Variants in FBXL17 observed in about 807,000 individuals in gnomAD.
The protein encoded by FBXL17 is F-box and leucine rich repeat protein 17.
A neutral mutation model predicts 66.2 loss-of-function variants in FBXL17; 22 were observed. The observed-to-expected ratio is 0.33, with a 90% CI of 0.24 to 0.47. The LOEUF is 0.47. FBXL17 is among the 20% of genes least tolerant of loss of function. The pLI is 1.00. For synonymous variants in FBXL17, 474 were observed against 400.5 expected, an observed-to-expected ratio of 1.18 and a Z score of -2.19; for missense variants, 878 against 948.2, an observed-to-expected ratio of 0.93 and a Z score of 0.97.
chr5:108,071,845 C>G (rs1748346616), intron 6 of FBXL17, among the ~76,000 whole-genome samples: 1 of 152,036 alleles, frequency 6.6e-6, no homozygotes, highest in Non-Finnish European at 1.5e-5. Context: ...TAGAGTACAA[C>G]TCCAACAAAA....
chr5:108,259,136 A>G (rs761448194), intron 4 of FBXL17, among the ~76,000 whole-genome samples: 3 of 152,200 alleles, frequency 2.0e-5, no homozygotes, highest in Non-Finnish European at 2.9e-5. Flanking sequence ...AAGAAAAGAC[A>G]GCACAAACAA....
At chr5:108,116,685 A>T (rs1352056859) in intron 6 of FBXL17, among the ~76,000 whole-genome samples, 1 of 151,722 alleles carries the variant, frequency 6.6e-6, no homozygotes, top group Admixed American at 6.6e-5. Flanking sequence ...TAATAAAACA[A>T]GTTAATAAGA....
At position 108,269,288 on chromosome 5, in the gene FBXL17, A is replaced by G. The variant is rs148954544; in HGVS notation, c.1507-45060T>C. Among the ~76,000 whole-genome samples the G allele has an allele frequency of 2.0e-3, 307 of 152,176 alleles. 1 individual carries two copies. The highest frequency in any genetic ancestry group is 7.3e-3 in the African/African-American group (302 of 41,566). On this transcript the variant is annotated intron_variant, in intron 4 of 8. Transcript: ENST00000542267. ...ATCAATATGCCACTCAAAGTGGCGT[A>G]TTTTGAGGTGGCATGCTCTTAAGTT...
chr5:108,135,685 G>C (rs1202847858), intron 6 of FBXL17, among the ~76,000 whole-genome samples: 2 of 152,100 alleles, frequency 1.3e-5, no homozygotes, highest in Non-Finnish European at 2.9e-5. Flanking sequence ...TGTTCTAAAA[G>C]GTGACATGTG....
intron 7 of FBXL17, among the ~76,000 whole-genome samples, chr5:107,999,257 A>T (rs1158171990): frequency 6.6e-6 from 1 of 152,098 alleles, no homozygotes; most frequent in Non-Finnish European, 1.5e-5. Context: ...TAGCACAGGG[A>T]TAGGCATATA....
chr5:107,865,460 C>T (rs1270240472), intron 8 of FBXL17, among the ~76,000 whole-genome samples: 1 of 151,882 alleles, frequency 6.6e-6, no homozygotes, highest in Non-Finnish European at 1.5e-5. Context: ...CTTTGATTTC[C>T]CAAAATGCAA....
At chr5:108,375,233 T>TG (rs1749337850) in intron 1 of FBXL17, among the ~76,000 whole-genome samples, 1 of 152,088 alleles carries the variant, frequency 6.6e-6, no homozygotes, top group South Asian at 2.1e-4. Flanking sequence ...CCAGCATGCC[T>TG]GTGCACCCAG....
intron 6 of FBXL17, among the ~76,000 whole-genome samples, chr5:108,177,932 T>TATACAC (rs1242739302): frequency 1.9e-4 from 24 of 126,194 alleles, no homozygotes; most frequent in Non-Finnish European, 2.5e-4. Flanking sequence ...TATATATATA[T>TATACAC]ACACACACAC....
intron 4 of FBXL17, among the ~76,000 whole-genome samples, chr5:108,291,176 A>C (rs2941701): frequency 6.6e-6 from 1 of 152,314 alleles, no homozygotes; most frequent in African/African-American, 2.4e-5. Flanking sequence ...AGTGGCAATG[A>C]TATCAAAACA....
intron 7 of FBXL17, among the ~76,000 whole-genome samples, chr5:108,014,449 T>C (rs565292686): frequency 6.6e-6 from 1 of 152,284 alleles, no homozygotes; most frequent in African/African-American, 2.4e-5. Flanking sequence ...AATGTGAAGC[T>C]AGAGTTAATC....
intron 4 of FBXL17, among the ~76,000 whole-genome samples, chr5:108,318,607 C>T (rs151275177): frequency 1.7e-3 from 254 of 151,936 alleles, no homozygotes; most frequent in African/African-American, 5.9e-3. Context: ...GATTCTCTCT[C>T]ATCAAAACTG....
At chr5:108,178,561 T>C (rs1752884271) in intron 6 of FBXL17, among the ~76,000 whole-genome samples, 1 of 152,240 alleles carries the variant, frequency 6.6e-6, no homozygotes, top group South Asian at 2.1e-4. Flanking sequence ...ATTTCATTAT[T>C]CTTTTTGCAA....
At chr5:108,232,424 A>T (rs1008367320) in intron 4 of FBXL17, among the ~76,000 whole-genome samples, 1 of 152,012 alleles carries the variant, frequency 6.6e-6, no homozygotes, top group African/African-American at 2.4e-5. Flanking sequence ...TAATACTGTC[A>T]ACTTGATTGA....
intron 8 of FBXL17, among the ~76,000 whole-genome samples, chr5:107,867,677 C>T (rs148574056): frequency 1.3e-5 from 2 of 152,322 alleles, no homozygotes; most frequent in Non-Finnish European, 2.9e-5. Context: ...AATGCCATTC[C>T]TATCTTCTGA....
intron 5 of FBXL17, among the ~76,000 whole-genome samples, chr5:108,205,959 T>G (rs1754099444): frequency 6.6e-6 from 1 of 152,156 alleles, no homozygotes; most frequent in South Asian, 2.1e-4. Context: ...TACTCTCTAC[T>G]GCATCACCTC....
At chr5:108,132,133 C>T (rs1580487129) in intron 6 of FBXL17, among the ~76,000 whole-genome samples, 1 of 152,110 alleles carries the variant, frequency 6.6e-6, no homozygotes, top group Admixed American at 6.6e-5. Flanking sequence ...TGTGCCACCA[C>T]GCCCAGCTAA....
chr5:108,161,113 C>A (rs953547872), intron 6 of FBXL17, among the ~76,000 whole-genome samples: 2 of 151,820 alleles, frequency 1.3e-5, no homozygotes, highest in Non-Finnish European at 2.9e-5. Context: ...TTAAGAGAGT[C>A]CCGGGAGAAA....
chr5:107,973,897 A>G (rs1752481100), intron 7 of FBXL17, among the ~76,000 whole-genome samples: 1 of 151,786 alleles, frequency 6.6e-6, no homozygotes, highest in East Asian at 1.9e-4. Flanking sequence ...AGTTAGACAA[A>G]ATCTTATTTA....
intron 3 of FBXL17, among the ~76,000 whole-genome samples, chr5:108,355,013 C>T (rs939816821): frequency 3.3e-5 from 5 of 151,590 alleles, no homozygotes; most frequent in South Asian, 2.1e-4. Context: ...TTGCAAGAAA[C>T]GATAAAAGAA....
Sources: gnomAD v4.1 joint callset for allele counts (sites outside exome capture counted in the v4.1 genomes callset) on GRCh38, gnomAD v4.1.1 for gene constraint, MANE v1.5 for transcripts, NCBI Gene and HGNC (gene_info 2026-07-23, HGNC 2026-07-21) for gene names.